PLD5: variants seen among roughly 807,000 people sequenced by gnomAD.
PLD5 encodes phospholipase D family member 5, also known as inactive phospholipase D5.
In PLD5, 36 loss-of-function variants were observed where a neutral mutation model predicts 61.1. That is an observed-to-expected ratio of 0.59 (90% CI 0.45 to 0.78). PLD5 has a LOEUF of 0.78. Ranked by LOEUF, PLD5 falls within the 30% of genes least tolerant of loss-of-function variation. The pLI is 0.00. For synonymous variants in PLD5, 243 were observed against 242.8 expected, an observed-to-expected ratio of 1.00 and a Z score of -0.01; for missense variants, 515 against 644.4, an observed-to-expected ratio of 0.80 and a Z score of 2.17.
chr1:242,256,160 A>G lies in PLD5; in HGVS notation c.607+9177T>C, dbSNP rs945685622. Among the ~76,000 whole-genome samples, 7 of 152,176 alleles carry G rather than the reference A, an allele frequency of 4.6e-5. No homozygotes were observed. Among genetic ancestry groups the G allele is most frequent in the African/African-American group, 1.7e-4 (7 of 41,454 alleles). On this transcript the variant is annotated intron_variant, in intron 4 of 9. Coordinates refer to ENST00000536534, the MANE Select transcript of PLD5 (RefSeq NM_001372062.1). The surrounding 1 kb of genome is among the most constrained non-coding windows in gnomAD (Gnocchi z 5.7). ...TCTGAGACAGTCACTCAGCAAATGTATGACTTGAGTCACAAGGGGAGCAGA... is the reference window on the plus strand; with the variant it reads ...TCTGAGACAGTCACTCAGCAAATGTGTGACTTGAGTCACAAGGGGAGCAGA...
chr1:242,171,056 T>A (rs568249072), intron 5 of PLD5, among the ~76,000 whole-genome samples: 38 of 152,010 alleles, frequency 2.5e-4, no homozygotes, highest in Admixed American at 9.2e-4. Context: ...AAGATACTCC[T>A]CGAGCAGAGC....
At chr1:242,164,850 T>C (rs1666183665) in intron 5 of PLD5, among the ~76,000 whole-genome samples, 1 of 151,986 alleles carries the variant, frequency 6.6e-6, no homozygotes, top group South Asian at 2.1e-4. Flanking sequence ...ATTTACATGT[T>C]ACTTGTAAAT....
At chr1:242,320,243 A>T (rs1325914278) in intron 2 of PLD5, among the ~76,000 whole-genome samples, 4 of 152,234 alleles carry the variant, frequency 2.6e-5, no homozygotes, top group African/African-American at 9.6e-5. Flanking sequence ...GAAGTGGGTC[A>T]ATTAGGGGTT....
chr1:242,474,224 A>G (rs1367624082), intron 1 of PLD5, among the ~76,000 whole-genome samples: 1 of 152,138 alleles, frequency 6.6e-6, no homozygotes, highest in Non-Finnish European at 1.5e-5. Context: ...ATAAGCCTCA[A>G]TCTCTCCTTC....
intron 3 of PLD5, among the ~76,000 whole-genome samples, chr1:242,272,802 T>A (rs1221353711): frequency 1.3e-5 from 2 of 152,152 alleles, no homozygotes; most frequent in Non-Finnish European, 2.9e-5. Flanking sequence ...TAAAATACTA[T>A]AAAATCATAT....
In PLD5 at chr1:242,365,993, G is replaced by A. The variant is rs148989767; in HGVS notation, c.190-17751C>T. 3.1e-3 allele frequency among the ~76,000 whole-genome samples: 472 copies of A among 152,268 alleles called. 5 individuals are homozygous for A. Among genetic ancestry groups the A allele is most frequent in the African/African-American group, 0.011 (458 of 41,560 alleles). ...ACTCCAGGTTTAGGTGGCATCATTA[G>A]TGAGTTCTGTCAAACATTTGAGAAA... On this transcript the variant is annotated intron_variant, in intron 1 of 9. Coordinates refer to ENST00000536534, the MANE Select transcript of PLD5 (RefSeq NM_001372062.1).
upstream of PLD5, among the ~76,000 whole-genome samples, chr1:242,525,949 T>C (rs1487954393): frequency 6.6e-6 from 1 of 152,210 alleles, no homozygotes; most frequent in Non-Finnish European, 1.5e-5. Context: ...TTGGTTTTCT[T>C]AGGAGCTGAA....
At chr1:242,296,700 C>T (rs1475336088) in intron 2 of PLD5, among the ~76,000 whole-genome samples, 1 of 152,146 alleles carries the variant, frequency 6.6e-6, no homozygotes, top group Non-Finnish European at 1.5e-5. Flanking sequence ...GGCTGGCTAA[C>T]AGTATGCTGA....
intron 2 of PLD5, among the ~76,000 whole-genome samples, chr1:242,344,914 G>C (rs1574769124): frequency 6.6e-6 from 1 of 152,182 alleles, no homozygotes; most frequent in Non-Finnish European, 1.5e-5. Flanking sequence ...ATCGTGGCGG[G>C]AGATGAAACG....
chr1:242,188,099 T>C (rs1280230491), intron 5 of PLD5, among the ~76,000 whole-genome samples: 3 of 152,054 alleles, frequency 2.0e-5, no homozygotes, highest in Non-Finnish European at 4.4e-5. Context: ...CTGGGGGCAC[T>C]CCCTAGGACA....
chr1:242,087,416 C>A lies in PLD5; in HGVS notation c.*2438G>T, dbSNP rs1659526822. The A allele has an allele frequency of 6.6e-6, 1 of 152,166 alleles. No individual in the cohort carries two copies. The highest frequency in any genetic ancestry group is 1.5e-5 in the Non-Finnish European group (1 of 68,032). The allele number at this position is 152,166 out of a possible 1,614,324, so 9.4% of individuals were successfully genotyped here. On this transcript the variant is annotated 3_prime_UTR_variant, in exon 10 of 10. Transcript: ENST00000536534. ...TGACAGTGAAGGGGCCCCATGACAC[C>A]AAGCCTATGAGTGTCCCATGGCTGT... is the stretch of plus-strand genomic sequence containing the variant.
chr1:242,190,665 T>G (rs1445851854), intron 5 of PLD5, among the ~76,000 whole-genome samples: 3 of 151,862 alleles, frequency 2.0e-5, no homozygotes, highest in Non-Finnish European at 2.9e-5. Context: ...GGGGATCGCT[T>G]GAGCCCAGGA....
chr1:242,396,004 C>T (rs888130895), intron 1 of PLD5, among the ~76,000 whole-genome samples: 9 of 152,020 alleles, frequency 5.9e-5, no homozygotes, highest in East Asian at 3.9e-4. Context: ...GGCGAGATTG[C>T]GCCATTGCAC....
At chr1:242,242,572 C>A (rs1033191501) in intron 4 of PLD5, among the ~76,000 whole-genome samples, 1 of 152,166 alleles carries the variant, frequency 6.6e-6, no homozygotes. Context: ...AGAATTAACA[C>A]AACAGGTATC....
intron 1 of PLD5, among the ~76,000 whole-genome samples, chr1:242,419,219 C>T (rs945718902): frequency 6.6e-6 from 1 of 152,284 alleles, no homozygotes; most frequent in East Asian, 1.9e-4. Context: ...CGTGTTCTTA[C>T]AGCCTGCGTG....
chr1:242,254,348 G>GAAAAA (rs59783629), intron 4 of PLD5, among the ~76,000 whole-genome samples: 2 of 132,692 alleles, frequency 1.5e-5, no homozygotes, highest in East Asian at 2.1e-4. Flanking sequence ...TCATTTAACT[G>GAAAAA]AAAAAAAAAA....
intron 1 of PLD5, among the ~76,000 whole-genome samples, chr1:242,520,115 C>T (rs1400876774): frequency 6.6e-6 from 1 of 152,184 alleles, no homozygotes; most frequent in African/African-American, 2.4e-5. Context: ...ATGAACCTTT[C>T]TTTGGCCAAT....
At chr1:242,132,139 C>A (rs1335265385) in intron 5 of PLD5, among the ~76,000 whole-genome samples, 1 of 130,378 alleles carries the variant, frequency 7.7e-6, no homozygotes, top group African/African-American at 3.0e-5. Context: ...ACTTTTATTT[C>A]TTATTTTGTC....
chr1:242,292,926 A>G (rs1675450438), intron 2 of PLD5, among the ~76,000 whole-genome samples: 1 of 152,202 alleles, frequency 6.6e-6, no homozygotes, highest in African/African-American at 2.4e-5. Flanking sequence ...TGTATTTTAA[A>G]TCATGAATTT....
Sources: allele counts gnomAD v4.1 joint callset (sites outside exome capture counted in the v4.1 genomes callset), GRCh38; gene constraint gnomAD v4.1.1; non-coding constraint Gnocchi (gnomAD v3.1); transcripts MANE v1.5; gene names NCBI Gene and HGNC (gene_info 2026-07-23, HGNC 2026-07-21).